The following CCNF variants were observed in gnomAD, a reference collection of about 807,000 sequenced individuals.
CCNF encodes cyclin-F.
A neutral mutation model predicts 85.4 loss-of-function variants in CCNF; 30 were observed. The ratio of observed to expected loss-of-function variants is 0.35; its 90% CI spans 0.26 to 0.48. The LOEUF is 0.48. CCNF is among the 20% of genes least tolerant of loss of function. The pLI, the probability that CCNF is intolerant of heterozygous loss-of-function variation, is 0.99. For missense variants in CCNF, 919 were observed against 1,010.4 expected (o/e 0.91, Z 1.23); for synonymous variants, 439 against 425.1 (o/e 1.03, Z -0.40).
At chr16:2,446,143 C>G (rs4542665) in intron 10 of CCNF, among the ~76,000 whole-genome samples, 1 of 151,964 alleles carries the variant, frequency 6.6e-6, no homozygotes, top group East Asian at 1.9e-4. Flanking sequence ...CGTGTGGGGG[C>G]CGCTGTGTGG....
intron 5 of CCNF, chr16:2,437,786 C>G (rs1295883570): frequency 7.0e-6 from 3 of 431,504 alleles, no homozygotes; most frequent in Non-Finnish European, 1.3e-5. Context: ...ATAGTCCCAG[C>G]TACTCAGGAG....
At position 2,453,868 on chromosome 16, in the gene CCNF, T is replaced by G. The variant is rs1480214653; in HGVS notation, c.1715+331T>G. ...TCATGCGCGTCCTGGACTTCTCTGCTCCATGATGCTGCTGTCACTCCCGGC... is the reference window on the plus strand; with the variant it reads ...TCATGCGCGTCCTGGACTTCTCTGCGCCATGATGCTGCTGTCACTCCCGGC... On this transcript the variant is annotated intron_variant, in intron 15 of 16. Transcript: ENST00000397066. This position sits in a 1 kb window ranked among gnomAD's most constrained non-coding sequence, Gnocchi z 5.6. Among the ~76,000 whole-genome samples the G allele has an allele frequency of 6.6e-6, 1 of 152,140 alleles. No individual in the cohort carries two copies. Among genetic ancestry groups the G allele is most frequent in the Non-Finnish European group, 1.5e-5 (1 of 68,006 alleles).
chr16:2,455,798 G>C (rs1341540766), intron 16 of CCNF, among the ~76,000 whole-genome samples: 2 of 152,318 alleles, frequency 1.3e-5, no homozygotes, highest in Middle Eastern at 3.4e-3. Context: ...GAGGACTTAG[G>C]CCACACCTAT....
At chr16:2,431,075 G>A (rs2065259887) in intron 1 of CCNF, 55 bp from the exon 2 acceptor site, 3 of 1,546,346 alleles carry the variant, frequency 1.9e-6, no homozygotes, top group South Asian at 2.2e-5. Context: ...CTTCAAGGGT[G>A]TGTATATAGA....
rs774096632 is a variant in CCNF at position 2,449,411 on chromosome 16, G to A, written c.1348G>A (p.Ala450Thr). The change falls in exon 12 of 17, where the codon GCC becomes ACC. Residue 450 changes from alanine (A) to threonine (T), a missense_variant. Coordinates refer to ENST00000397066, the MANE Select transcript of CCNF (RefSeq NM_001761.3). The stretch of plus-strand genomic sequence containing the variant: ...CACCAGCCTGTCCGCCTACGCCCCA[G>A]CCCGCCTGGCTGCCGCAGCCCTGCT... Reference protein sequence around the residue: ...LHTSLSAYAPARLAAAALLLA... With the variant: ...LHTSLSAYAPTRLAAAALLLA... The A allele has an allele frequency of 6.2e-7, 1 of 1,610,854 alleles. No homozygotes were observed. Among genetic ancestry groups the A allele is most frequent in the Non-Finnish European group, 8.5e-7 (1 of 1,179,952 alleles).
intron 1 of CCNF, among the ~76,000 whole-genome samples, chr16:2,429,926 T>G (rs1267173071): frequency 6.6e-6 from 1 of 152,160 alleles, no homozygotes; most frequent in East Asian, 1.9e-4. Flanking sequence ...AGCGGGGCCG[T>G]GGACCTAGCT....
rs142188142 is a variant in CCNF, at chr16:2,453,762, C to T, written c.1715+225C>T. On this transcript the variant is annotated intron_variant, in intron 15 of 16. Coordinates refer to ENST00000397066, the MANE Select transcript of CCNF (RefSeq NM_001761.3). This position sits in a 1 kb window ranked among gnomAD's most constrained non-coding sequence, Gnocchi z 5.6. ...TCCTTCCTCAGAGGCTATTGCCTCT[C>T]GCTCTGACTGGGCTCCCTGTGGAGG... 3.3e-5 allele frequency among the ~76,000 whole-genome samples: 5 copies of T among 152,118 alleles called. No homozygotes were observed. Among genetic ancestry groups the T allele is most frequent in the Non-Finnish European group, 4.4e-5 (3 of 68,030 alleles).
intron 5 of CCNF, chr16:2,437,654 C>T (rs181967550): frequency 1.8e-5 from 6 of 324,476 alleles, no homozygotes; most frequent in African/African-American, 6.4e-5. Context: ...TTTGGGAGGC[C>T]GAGGCTGGAG....
At chr16:2,443,929 T>C in intron 9 of CCNF, 129 bp downstream of exon 9, 1 of 786,726 alleles carries the variant, frequency 1.3e-6, no homozygotes, top group Non-Finnish European at 1.9e-6. Flanking sequence ...TCACCCTTTT[T>C]TTTTTTTTGA....
intron 2 of CCNF, 139 bp from the exon 3 acceptor site, chr16:2,432,822 G>C (rs1329108766): frequency 5.3e-6 from 3 of 560,792 alleles, no homozygotes; most frequent in East Asian, 5.8e-5. Context: ...CTTTCACACA[G>C]AGATTGGGGA....
intron 4 of CCNF, 156 bp downstream of exon 4, chr16:2,436,029 T>C (rs548620007): frequency 1.8e-6 from 1 of 545,540 alleles, no homozygotes; most frequent in African/African-American, 1.9e-5. Context: ...TGCCCAGATG[T>C]ACCCTGCTGA....
At chr16:2,450,182 G>C (rs560216391) in intron 13 of CCNF, among the ~76,000 whole-genome samples, 1 of 150,148 alleles carries the variant, frequency 6.7e-6, no homozygotes, top group Non-Finnish European at 1.5e-5. Context: ...ACTCCAGCCT[G>C]GGTGACAGAG....
At position 2,453,674 on chromosome 16, in the gene CCNF, G is replaced by C. The variant is rs1006747229; in HGVS notation, c.1715+137G>C. 8.6e-7 allele frequency: 1 copy of C among 1,164,448 alleles called. No homozygotes were observed. The allele number at this position is 1,164,448 out of a possible 1,614,324, so 72.1% of individuals were successfully genotyped here. ...AGCAGATCCCAGGACAGTGACCCTG[G>C]GACGGAGCCCTGCAGTCATGCCTCG... On this transcript the variant is annotated intron_variant, in intron 15 of 16. Transcript: ENST00000397066. This position sits in a 1 kb window ranked among gnomAD's most constrained non-coding sequence, Gnocchi z 5.6.
intron 8 of CCNF, among the ~76,000 whole-genome samples, chr16:2,441,967 A>G (rs1272401596): frequency 5.4e-5 from 6 of 110,472 alleles, no homozygotes; most frequent in African/African-American, 1.7e-4. Flanking sequence ...ATATATATAT[A>G]TATATATATA....
intron 8 of CCNF, among the ~76,000 whole-genome samples, chr16:2,441,670 C>T (rs2141820466): frequency 6.6e-6 from 1 of 151,814 alleles, no homozygotes; most frequent in Admixed American, 6.6e-5. Context: ...GTGCCTGCCA[C>T]CACGCCCAGC....
In CCNF at chr16:2,457,219, C is replaced by G. The variant is rs1186525544; in HGVS notation, c.*199C>G. The G allele has an allele frequency of 3.8e-6, 2 of 532,320 alleles. No homozygotes were observed. The highest frequency in any genetic ancestry group is 6.2e-5 in the East Asian group (2 of 32,316). The allele number at this position is 532,320 out of a possible 1,614,324, so 33.0% of individuals were successfully genotyped here. On this transcript the variant is annotated 3_prime_UTR_variant, in exon 17 of 17. Transcript: ENST00000397066. ...AATGTTGAAATGAGGGTGAAGAGCTCAGATCCCTCTCTTTGGAAAGTTTAG... is the reference window on the plus strand; with the variant it reads ...AATGTTGAAATGAGGGTGAAGAGCTGAGATCCCTCTCTTTGGAAAGTTTAG...
At chr16:2,435,612 TG>T (rs2065284915) in intron 3 of CCNF, among the ~76,000 whole-genome samples, 193 bp from the exon 4 acceptor site, 1 of 107,504 alleles carries the variant, frequency 9.3e-6, no homozygotes, top group Admixed American at 9.7e-5. Flanking sequence ...TATATATATA[TG>T]CACACACACA....
intron 3 of CCNF, among the ~76,000 whole-genome samples, chr16:2,433,397 C>T (rs1043075048): frequency 1.3e-5 from 2 of 152,146 alleles, no homozygotes; most frequent in Non-Finnish European, 2.9e-5. Flanking sequence ...TCCCTTTGGT[C>T]AAAACCATCT....
rs2065393961 is a variant in CCNF at position 2,451,267 on chromosome 16, G to GC, written c.1487+1353dup. On this transcript the variant is annotated intron_variant, in intron 13 of 16. Coordinates refer to ENST00000397066, the MANE Select transcript of CCNF (RefSeq NM_001761.3). This position sits in a 1 kb window ranked among gnomAD's most constrained non-coding sequence, Gnocchi z 4.3. ...GGGCGGGGGCGACTCCCTTCAGGGAGCGTAGCCGGGGTCACCTGGGCATCT... is the reference window on the plus strand; with the variant it reads ...GGGCGGGGGCGACTCCCTTCAGGGAGCCGTAGCCGGGGTCACCTGGGCATCT... 6.6e-6 allele frequency among the ~76,000 whole-genome samples: 1 copy of GC among 152,238 alleles called. No homozygotes were observed. The highest frequency in any genetic ancestry group is 6.5e-5 in the Admixed American group (1 of 15,286).
Sources: allele counts gnomAD v4.1 joint callset (sites outside exome capture counted in the v4.1 genomes callset), GRCh38; gene constraint gnomAD v4.1.1; non-coding constraint Gnocchi (gnomAD v3.1); transcripts MANE v1.5; gene names NCBI Gene and HGNC (gene_info 2026-07-23, HGNC 2026-07-21).